TRIM67: variants seen among roughly 807,000 people sequenced by gnomAD.
TRIM67 encodes tripartite motif containing 67, also known as tripartite motif-containing protein 67.
In TRIM67, 39 loss-of-function variants were observed where a neutral mutation model predicts 71.0. The ratio of observed to expected loss-of-function variants is 0.55; its 90% CI spans 0.43 to 0.72. The LOEUF is 0.72. TRIM67 is among the 30% of genes least tolerant of loss of function. The probability of loss-of-function intolerance (pLI) is 0.00; values close to 1 mark genes in which losing one functional copy is unlikely to be tolerated. For synonymous variants in TRIM67, 481 were observed against 473.9 expected (o/e 1.01, Z -0.19); for missense variants, 973 against 1,079.2 (o/e 0.90, Z 1.38).
chr1:231,193,273 A>G (rs1683280803), intron 1 of TRIM67, among the ~76,000 whole-genome samples: 1 of 152,178 alleles, frequency 6.6e-6, no homozygotes, highest in South Asian at 2.1e-4. Context: ...AGAAATGTAG[A>G]GACAAAAGAC....
chr1:231,207,418 T>C (rs1387583766), intron 7 of TRIM67, among the ~76,000 whole-genome samples: 1 of 152,302 alleles, frequency 6.6e-6, no homozygotes, highest in East Asian at 1.9e-4. Context: ...ATGTTGATAT[T>C]AATTCAGTGG....
chr1:231,215,604 G>A lies in TRIM67; in HGVS notation c.*164G>A, dbSNP rs1191919280. The A allele has an allele frequency of 7.1e-7, 1 of 1,415,390 alleles. No individual in the cohort carries two copies. Among genetic ancestry groups the A allele is most frequent in the East Asian group, 2.6e-5 (1 of 38,458 alleles). The allele number at this position is 1,415,390 out of a possible 1,614,324, so 87.7% of individuals were successfully genotyped here. A position where few individuals can be genotyped will look rare whatever the true frequency, so the allele number is the denominator to read the frequency against. On this transcript the variant is annotated 3_prime_UTR_variant, in exon 10 of 10. Coordinates refer to ENST00000366653, the MANE Select transcript of TRIM67 (RefSeq NM_001004342.5). ...AAACACATTTTCTTGGGGACGCAGGGAATGGGTCCACGGGCCATGCTCACA... is the reference window on the plus strand; with the variant it reads ...AAACACATTTTCTTGGGGACGCAGGAAATGGGTCCACGGGCCATGCTCACA...
chr1:231,174,152 C>CTTTT (rs35651112), intron 1 of TRIM67, among the ~76,000 whole-genome samples: 11 of 127,354 alleles, frequency 8.6e-5, no homozygotes, highest in Non-Finnish European at 1.1e-4. Flanking sequence ...GTCTTATTTT[C>CTTTT]TTTTTTTTTT....
Position 231,218,807 on chromosome 1 carries a change from G to C in TRIM67, c.*3367G>C, listed in dbSNP as rs1313846404. On this transcript the variant is annotated 3_prime_UTR_variant, in exon 10 of 10. Coordinates refer to ENST00000366653, the MANE Select transcript of TRIM67 (RefSeq NM_001004342.5). Reference sequence around the variant, plus strand: ...GTGCTTTCCGGATTGAGCCTGGGCAGGCTCTGTGGAGCTCACCAAGAGAGC... The same window carrying C: ...GTGCTTTCCGGATTGAGCCTGGGCACGCTCTGTGGAGCTCACCAAGAGAGC... 1.0e-6 allele frequency: 1 copy of C among 985,310 alleles called. No homozygotes were observed. Among genetic ancestry groups the C allele is most frequent in the Non-Finnish European group, 1.2e-6 (1 of 829,936 alleles). The allele number at this position is 985,310 out of a possible 1,614,324, so 61.0% of individuals were successfully genotyped here.
At position 231,217,702 on chromosome 1, in the gene TRIM67, C is replaced by A. The variant is rs59741362; in HGVS notation, c.*2262C>A. ...CTGGGGAAGGCTGTGGAGCCTCCAC[C>A]ATCACCACAGCCCAGGTCACCAGGT... On this transcript the variant is annotated 3_prime_UTR_variant, in exon 10 of 10. Coordinates refer to ENST00000366653, the MANE Select transcript of TRIM67 (RefSeq NM_001004342.5). 1.5e-3 allele frequency: 1,780 copies of A among 1,207,096 alleles called. 25 individuals are homozygous for A. The African/African-American group carries it at 0.026, about 17-fold the overall frequency. 74.8% of individuals were successfully genotyped at this position (1,207,096 alleles called of 1,614,324 possible). A position where few individuals can be genotyped will look rare whatever the true frequency, so the allele number is the denominator to read the frequency against.
In TRIM67 at chr1:231,163,075, G is replaced by T. The variant is rs1214900124; in HGVS notation, c.106G>T (p.Val36Leu). The change falls in exon 1 of 10, where the codon GTG (valine) becomes TTG (leucine). Residue 36 changes from valine (V) to leucine (L), a missense_variant. By Grantham distance (32) the Val-to-Leu change is conservative. Transcript: ENST00000366653. ...CCTGCCTTGCGCTCGCACCATCGCG[G>T]TGCAGACCCCGGACGGTGAGCAGCA... ...VCLPCARTIA[V>L]QTPDGEQHLP... 8 of 1,598,398 alleles carry T rather than the reference G, an allele frequency of 5.0e-6. No homozygotes were observed. The African/African-American group carries it at 1.1e-4, about 22-fold the overall frequency.
intron 5 of TRIM67, among the ~76,000 whole-genome samples, chr1:231,202,714 A>G (rs759343084): frequency 6.6e-5 from 10 of 152,306 alleles, no homozygotes; most frequent in South Asian, 6.2e-4. Context: ...TCACATTGCC[A>G]TGCTCACTCC....
In TRIM67 at chr1:231,219,954, C is replaced by T. The variant is rs77087610; in HGVS notation, c.*4514C>T. 466 of 1,289,836 alleles carry T rather than the reference C, an allele frequency of 3.6e-4. 1 individual carries two copies. In the East Asian group the frequency reaches 7.5e-3, roughly 21 times the overall value. 79.9% of individuals were successfully genotyped at this position (1,289,836 alleles called of 1,614,324 possible). On this transcript the variant is annotated 3_prime_UTR_variant, in exon 10 of 10. Coordinates refer to ENST00000366653, the MANE Select transcript of TRIM67 (RefSeq NM_001004342.5). ...CCCTCGGTTACTTCCCTCTTTTAACCTGGCTTTAATAGTGATTCATGGTAT... is the reference window on the plus strand; with the variant it reads ...CCCTCGGTTACTTCCCTCTTTTAACTTGGCTTTAATAGTGATTCATGGTAT...
chr1:231,200,008 G>C, intron 3 of TRIM67, 140 bp from the exon 4 acceptor site: 1 of 636,602 alleles, frequency 1.6e-6, no homozygotes, highest in South Asian at 1.8e-5. Context: ...CAGCAGAGCT[G>C]AGAGAGGAGC....
chr1:231,207,002 G>A (rs571983466), intron 7 of TRIM67, among the ~76,000 whole-genome samples: 9 of 152,144 alleles, frequency 5.9e-5, no homozygotes, highest in Non-Finnish European at 1.0e-4. Context: ...ATTTCATCCC[G>A]TGGACCAGGG....
chr1:231,213,114 C>A (rs911362019), intron 8 of TRIM67, among the ~76,000 whole-genome samples: 1 of 152,146 alleles, frequency 6.6e-6, no homozygotes, highest in Non-Finnish European at 1.5e-5. Flanking sequence ...ACCTCAGCAT[C>A]CTCACTTGCC....
At chr1:231,185,708 T>C (rs1445971364) in intron 1 of TRIM67, among the ~76,000 whole-genome samples, 9 of 151,850 alleles carry the variant, frequency 5.9e-5, no homozygotes, top group African/African-American at 1.7e-4. Flanking sequence ...ACAAAGATGA[T>C]TGAACGGCTC....
chr1:231,200,002 A>G (rs1683475314), intron 3 of TRIM67, 146 bp from the exon 4 acceptor site: 1 of 618,508 alleles, frequency 1.6e-6, no homozygotes, highest in African/African-American at 1.8e-5. Flanking sequence ...GCTTAGCAGC[A>G]GAGCTGAGAG....
In TRIM67 at chr1:231,162,507, A is replaced by G. The variant is rs949067495; in HGVS notation, c.-463A>G. 22 of 170,598 alleles carry G rather than the reference A, an allele frequency of 1.3e-4. No homozygotes were observed. Among genetic ancestry groups the G allele is most frequent in the Non-Finnish European group, 2.2e-4 (18 of 80,640 alleles). The allele number at this position is 170,598 out of a possible 1,614,324, so 10.6% of individuals were successfully genotyped here. Reference sequence around the variant, plus strand: ...TCACCTCGCTATCACCCCGATAAGGAGTTGGGCCGGGGCAGAAGGGGGGCC... The same window carrying G: ...TCACCTCGCTATCACCCCGATAAGGGGTTGGGCCGGGGCAGAAGGGGGGCC... On this transcript the variant is annotated 5_prime_UTR_variant, in exon 1 of 10. Transcript: ENST00000366653.
At chr1:231,208,426 G>A (rs1035862891) in intron 7 of TRIM67, among the ~76,000 whole-genome samples, 1 of 151,920 alleles carries the variant, frequency 6.6e-6, no homozygotes, top group Admixed American at 6.6e-5. Context: ...CTCCCGCCTC[G>A]GCCTCCCAAA....
intron 1 of TRIM67, among the ~76,000 whole-genome samples, chr1:231,193,075 C>G (rs573350615): frequency 2.0e-5 from 3 of 152,320 alleles, no homozygotes; most frequent in Admixed American, 2.0e-4. Context: ...GCAGATGGTG[C>G]GTGACCCTAA....
At chr1:231,215,297 T>A (rs1683986419) in intron 9 of TRIM67, 78 bp from the exon 10 acceptor site, 1 of 1,535,280 alleles carries the variant, frequency 6.5e-7, no homozygotes, top group South Asian at 1.2e-5. Context: ...ATCCTGCCGG[T>A]GTCTGCGGTG....
At chr1:231,190,507 C>G (rs1307840288) in intron 1 of TRIM67, among the ~76,000 whole-genome samples, 1 of 152,176 alleles carries the variant, frequency 6.6e-6, no homozygotes, top group African/African-American at 2.4e-5. Context: ...AGTTCTTCTA[C>G]CAATGACCCC....
At chr1:231,210,756 T>C (rs1193852908) in intron 8 of TRIM67, among the ~76,000 whole-genome samples, 1 of 151,932 alleles carries the variant, frequency 6.6e-6, no homozygotes, top group Non-Finnish European at 1.5e-5. Flanking sequence ...AAACTGGGGC[T>C]TAGGCTGGAA....
Sources: gnomAD v4.1 joint callset for allele counts (sites outside exome capture counted in the v4.1 genomes callset) on GRCh38, gnomAD v4.1.1 for gene constraint, MANE v1.5 for transcripts, NCBI Gene and HGNC (gene_info 2026-07-23, HGNC 2026-07-21) for gene names.